ARHGAP32: variants seen among roughly 807,000 people sequenced by gnomAD.
ARHGAP32 encodes Rho GTPase activating protein 32, also known as rho GTPase-activating protein 32.
ARHGAP32 carries 51 observed loss-of-function variants against 186.5 expected under a neutral mutation model. The observed-to-expected ratio is 0.27, with a 90% CI of 0.22 to 0.35. The LOEUF is 0.35. ARHGAP32 is among the 10% of genes least tolerant of loss of function. The pLI, the probability that ARHGAP32 is intolerant of heterozygous loss-of-function variation, is 1.00. For missense variants in ARHGAP32, 2,186 were observed against 2,623.5 expected (o/e 0.83, Z 3.64); for synonymous variants, 950 against 964.3 (o/e 0.99, Z 0.27).
chr11:129,279,371 G>C (rs1172732664), upstream of ARHGAP32: 4 of 145,688 alleles, frequency 2.7e-5, no homozygotes, highest in Non-Finnish European at 6.1e-5. Flanking sequence ...CGTCAGGCTC[G>C]GGGGCGGGGG....
chr11:128,993,053 CTATGTGATTTCT>C (rs1003630603), intron 12 of ARHGAP32, among the ~76,000 whole-genome samples: 2 of 152,156 alleles, frequency 1.3e-5, no homozygotes, highest in African/African-American at 4.8e-5. Context: ...TGTCAGGCTC[CTATGTGATTTCT>C]TACAACACTT....
chr11:129,017,034 A>C (rs1016306010), intron 11 of ARHGAP32, among the ~76,000 whole-genome samples: 1 of 152,230 alleles, frequency 6.6e-6, no homozygotes, highest in Non-Finnish European at 1.5e-5. Context: ...ACAGAAATGC[A>C]ATTAGCATGG....
At chr11:129,269,607 G>T (rs1469998110) in intron 1 of ARHGAP32, among the ~76,000 whole-genome samples, 1 of 152,000 alleles carries the variant, frequency 6.6e-6, no homozygotes, top group East Asian at 1.9e-4. Flanking sequence ...CGCACCTATA[G>T]TCTTAGCTCC....
In ARHGAP32 at chr11:129,165,512, A is replaced by G. The variant is rs546844958; in HGVS notation, c.117-1085T>C. 2.6e-3 allele frequency among the ~76,000 whole-genome samples: 392 copies of G among 150,584 alleles called. 1 individual carries two copies. Among genetic ancestry groups the G allele is most frequent in the African/African-American group, 9.1e-3 (372 of 41,014 alleles). On this transcript the variant is annotated intron_variant, in intron 1 of 22. Coordinates refer to ENST00000682385, the MANE Select transcript of ARHGAP32 (RefSeq NM_001378024.1). The stretch of plus-strand genomic sequence containing the variant: ...AGAAAAATTAACTGTCTTTGGAGGA[A>G]AAAACATTCTCCAGACTCTCTGCAA...
chr11:129,116,124 C>T (rs1320613269), intron 5 of ARHGAP32, among the ~76,000 whole-genome samples: 1 of 151,974 alleles, frequency 6.6e-6, no homozygotes, highest in Non-Finnish European at 1.5e-5. Flanking sequence ...AGGGAGGCTA[C>T]AGAGAGACAG....
chr11:129,262,364 A>G (rs952151756), intron 1 of ARHGAP32, among the ~76,000 whole-genome samples: 5 of 151,972 alleles, frequency 3.3e-5, no homozygotes, highest in Admixed American at 6.6e-5. Context: ...ACAAATAAAC[A>G]GCTTTAAATA....
chr11:129,191,471 T>C (rs1944268010), intron 1 of ARHGAP32, among the ~76,000 whole-genome samples: 2 of 152,026 alleles, frequency 1.3e-5, no homozygotes, highest in East Asian at 1.9e-4. Context: ...TCAGGAGGCA[T>C]CCTCTAAAAA....
At chr11:129,127,353 T>A (rs1942686475) in intron 2 of ARHGAP32, among the ~76,000 whole-genome samples, 1 of 152,096 alleles carries the variant, frequency 6.6e-6, no homozygotes, top group South Asian at 2.1e-4. Flanking sequence ...CAAACAACGG[T>A]CCAAAAAGCT....
chr11:129,166,469 T>C (rs903520061), intron 1 of ARHGAP32, among the ~76,000 whole-genome samples: 1 of 151,906 alleles, frequency 6.6e-6, no homozygotes, highest in African/African-American at 2.4e-5. Context: ...ACAGTCAAAC[T>C]GCTAAAAACC....
chr11:129,182,569 T>G (rs1296126438), intron 1 of ARHGAP32, among the ~76,000 whole-genome samples: 1 of 152,094 alleles, frequency 6.6e-6, no homozygotes, highest in African/African-American at 2.4e-5. Flanking sequence ...CTTTTTCTTT[T>G]ACTGCTTTAA....
At chr11:129,275,620 T>C (rs749902380) in intron 1 of ARHGAP32, among the ~76,000 whole-genome samples, 4 of 152,202 alleles carry the variant, frequency 2.6e-5, no homozygotes, top group Non-Finnish European at 5.9e-5. Context: ...AAGAACCAGA[T>C]AATAAATACT....
At chr11:128,992,971 T>C (rs1362978958) in intron 12 of ARHGAP32, among the ~76,000 whole-genome samples, 1 of 152,240 alleles carries the variant, frequency 6.6e-6, no homozygotes, top group Non-Finnish European at 1.5e-5. Flanking sequence ...CGGTTTGTGA[T>C]AGCTAAAACT....
chr11:128,973,862 C>T (rs1298358971), intron 21 of ARHGAP32: 2 of 538,948 alleles, frequency 3.7e-6, no homozygotes, highest in Non-Finnish European at 6.5e-6. Flanking sequence ...CGCAGTTGTG[C>T]AAAAATTATC....
chr11:128,998,410 T>G lies in ARHGAP32; in HGVS notation c.1104A>C (p.Pro368=), dbSNP rs1041191422. The stretch of plus-strand genomic sequence containing the variant: ...CCCGCTGCTTCAGCTTCTGTTTTGT[T>G]GGACGAGACTTCATGAATGTTCGTA... The part of the protein sequence containing the change: ...TFLRTFMKSR[P]TKQKLKQRGI... Residue 368 remains proline, a synonymous_variant, in exon 12 of 23, where the codon CCA becomes CCC. Transcript: ENST00000682385. 1.9e-6 allele frequency: 3 copies of G among 1,596,250 alleles called. No individual in the cohort carries two copies. The East Asian group carries it at 6.7e-5, about 36-fold the overall frequency.
intron 11 of ARHGAP32, among the ~76,000 whole-genome samples, chr11:129,000,444 A>C (rs894067321): frequency 6.6e-6 from 1 of 152,202 alleles, no homozygotes; most frequent in Non-Finnish European, 1.5e-5. Flanking sequence ...AAGTTTGCAG[A>C]TGATTACTGA....
At position 129,178,273 on chromosome 11, in the gene ARHGAP32, T is replaced by C. The variant is rs1353441349; in HGVS notation, c.116+13810A>G. The stretch of plus-strand genomic sequence containing the variant: ...CCTCTTCAAGGAGAACTACAATCCA[T>C]TGCTCAAGGAAATAAAAGAGGATAC... On this transcript the variant is annotated intron_variant, in intron 1 of 22. Transcript: ENST00000682385. Among the ~76,000 whole-genome samples the C allele has an allele frequency of 9.2e-5, 14 of 152,112 alleles. 1 individual carries two copies. In the South Asian group the frequency reaches 1.7e-3, roughly 18 times the overall value.
intron 15 of ARHGAP32, among the ~76,000 whole-genome samples, chr11:128,984,067 G>A (rs1945793004): frequency 6.6e-6 from 1 of 152,066 alleles, no homozygotes; most frequent in Non-Finnish European, 1.5e-5. Context: ...GGCCCTCATA[G>A]TAATATTCAA....
At chr11:129,030,537 T>C (rs185119016) in intron 11 of ARHGAP32, 1 of 152,294 alleles carries the variant, frequency 6.6e-6, no homozygotes, top group Non-Finnish European at 1.5e-5. Flanking sequence ...TTCTACTCTT[T>C]TCTGTCTTCT....
intron 2 of ARHGAP32, among the ~76,000 whole-genome samples, chr11:129,141,170 C>T (rs1943044327): frequency 6.6e-6 from 1 of 152,082 alleles, no homozygotes; most frequent in Non-Finnish European, 1.5e-5. Flanking sequence ...TATTCCCAGA[C>T]ATGATGGGAA....
Sources: gnomAD v4.1 joint callset for allele counts (sites outside exome capture counted in the v4.1 genomes callset) on GRCh38, gnomAD v4.1.1 for gene constraint, MANE v1.5 for transcripts, NCBI Gene and HGNC (gene_info 2026-07-23, HGNC 2026-07-21) for gene names.